Variants in VAV3 observed in about 807,000 individuals in gnomAD.
The protein encoded by VAV3 is guanine nucleotide exchange factor VAV3.
In VAV3, 94 loss-of-function variants were observed where a neutral mutation model predicts 131.2. That is an observed-to-expected ratio of 0.72 (90% confidence interval 0.61 to 0.85). The LOEUF is 0.85. Ranked by LOEUF, VAV3 falls within the 40% of genes least tolerant of loss-of-function variation. The probability of loss-of-function intolerance (pLI) is 0.00; values close to 1 mark genes in which losing one functional copy is unlikely to be tolerated. For missense variants in VAV3, 939 were observed against 1,002.7 expected (o/e 0.94, Z 0.86); for synonymous variants, 349 against 342.0 (o/e 1.02, Z -0.22).
intron 2 of VAV3, among the ~76,000 whole-genome samples, chr1:107,864,654 G>GGT (rs143699125): frequency 0.016 from 2,420 of 152,222 alleles, 48 homozygotes; most frequent in African/African-American, 0.045. Flanking sequence ...GTAAATGTGT[G>GGT]AGTACTAGCA....
At chr1:107,766,601 T>TAC (rs749124140) in intron 7 of VAV3, 51 bp from the exon 8 acceptor site, 1 of 1,408,256 alleles carries the variant, frequency 7.1e-7, no homozygotes, top group East Asian at 2.3e-5. Context: ...AACCAAAAAA[T>TAC]ACACCCCAAA....
chr1:107,897,664 T>C (rs1014573172), intron 1 of VAV3, among the ~76,000 whole-genome samples: 4 of 152,198 alleles, frequency 2.6e-5, no homozygotes, highest in Admixed American at 2.6e-4. Flanking sequence ...GGTAACTCAG[T>C]AAGTGCATAA....
chr1:107,737,445 C>T (rs1164463113), intron 15 of VAV3, among the ~76,000 whole-genome samples: 1 of 152,124 alleles, frequency 6.6e-6, no homozygotes, highest in Non-Finnish European at 1.5e-5. Flanking sequence ...AAAATTTTTG[C>T]AATCTACCCA....
At chr1:107,874,196 TGA>T (rs1670381696) in intron 2 of VAV3, among the ~76,000 whole-genome samples, 1 of 152,306 alleles carries the variant, frequency 6.6e-6, no homozygotes, top group Non-Finnish European at 1.5e-5. Flanking sequence ...TAGTTACTTG[TGA>T]GAGGTTTATG....
chr1:107,865,771 T>A (rs542578295), intron 2 of VAV3, among the ~76,000 whole-genome samples: 1 of 152,180 alleles, frequency 6.6e-6, no homozygotes, highest in Non-Finnish European at 1.5e-5. Flanking sequence ...AGGTGAAGGT[T>A]TGGCAATTAT....
At chr1:107,815,162 A>T (rs1472760839) in intron 2 of VAV3, among the ~76,000 whole-genome samples, 1 of 152,226 alleles carries the variant, frequency 6.6e-6, no homozygotes, top group Admixed American at 6.5e-5. Context: ...CTTCCCATGC[A>T]TGAATAGTGT....
intron 2 of VAV3, among the ~76,000 whole-genome samples, chr1:107,789,294 C>T (rs940655489): frequency 1.3e-5 from 2 of 152,144 alleles, no homozygotes; most frequent in African/African-American, 4.8e-5. Flanking sequence ...GAATGTTGTC[C>T]GTAGCTATTA....
At chr1:107,735,692 C>T (rs780618985) in intron 15 of VAV3, among the ~76,000 whole-genome samples, 1 of 152,054 alleles carries the variant, frequency 6.6e-6, no homozygotes, top group Non-Finnish European at 1.5e-5. Context: ...CAATAACAGG[C>T]TCTGAAATTC....
intron 19 of VAV3, among the ~76,000 whole-genome samples, chr1:107,656,361 C>CTACAA (rs1271843548): frequency 2.0e-5 from 3 of 152,100 alleles, no homozygotes; most frequent in African/African-American, 7.2e-5. Flanking sequence ...ATAAGCCAAG[C>CTACAA]ATAGAAAGAC....
intron 17 of VAV3, among the ~76,000 whole-genome samples, chr1:107,698,852 A>G (rs1364763117): frequency 6.6e-6 from 1 of 152,158 alleles, no homozygotes; most frequent in Non-Finnish European, 1.5e-5. Context: ...AGAGCAGGGA[A>G]AACTGCCTTA....
intron 19 of VAV3, among the ~76,000 whole-genome samples, chr1:107,674,007 T>C (rs551412470): frequency 6.6e-6 from 1 of 152,360 alleles, no homozygotes; most frequent in Non-Finnish European, 1.5e-5. Context: ...TTTTAAATAA[T>C]ACTTGGACAA....
chr1:107,850,955 C>T (rs1013381593), intron 2 of VAV3, among the ~76,000 whole-genome samples: 2 of 151,880 alleles, frequency 1.3e-5, no homozygotes, highest in African/African-American at 4.8e-5. Context: ...TCCACAGCAA[C>T]AGAACTTGAA....
intron 2 of VAV3, among the ~76,000 whole-genome samples, chr1:107,813,224 A>C (rs576970612): frequency 1.3e-5 from 2 of 152,304 alleles, no homozygotes; most frequent in African/African-American, 2.4e-5. Flanking sequence ...ATCAGTAAGT[A>C]AGTCTGGAAA....
At chr1:107,800,439 T>A (rs755955745) in intron 2 of VAV3, among the ~76,000 whole-genome samples, 33 of 152,152 alleles carry the variant, frequency 2.2e-4, no homozygotes, top group Non-Finnish European at 2.4e-4. Flanking sequence ...TTTTCTGTGA[T>A]TATTAGTGAT....
At chr1:107,574,963 C>CTCTGTGTG (rs1304869776) in intron 25 of VAV3, among the ~76,000 whole-genome samples, 4 of 81,114 alleles carry the variant, frequency 4.9e-5, no homozygotes, top group Non-Finnish European at 4.9e-5. Context: ...TTGAGTTTCT[C>CTCTGTGTG]TGTGTGTGTG....
intron 1 of VAV3, among the ~76,000 whole-genome samples, chr1:107,884,172 C>T (rs1002782971): frequency 3.5e-4 from 53 of 151,200 alleles, no homozygotes; most frequent in Non-Finnish European, 1.5e-4. Flanking sequence ...AGAATAAGAC[C>T]TAGTATTTGT....
At chr1:107,847,886 T>A (rs372413917) in intron 2 of VAV3, among the ~76,000 whole-genome samples, 2 of 151,958 alleles carry the variant, frequency 1.3e-5, no homozygotes, top group Non-Finnish European at 2.9e-5. Flanking sequence ...TTCCAAATAA[T>A]AGAAAAAGAG....
chr1:107,724,142 T>G (rs1295411841), intron 15 of VAV3, among the ~76,000 whole-genome samples: 1 of 152,042 alleles, frequency 6.6e-6, no homozygotes, highest in Non-Finnish European at 1.5e-5. Context: ...GTATCTCCAA[T>G]CATAGTATTT....
Position 107,658,411 on chromosome 1 carries a change from G to A in VAV3, c.1778-15656C>T, listed in dbSNP as rs1243694833. Among the ~76,000 whole-genome samples the A allele has an allele frequency of 4.6e-5, 7 of 152,256 alleles. No homozygotes were observed. The South Asian group carries it at 1.0e-3, about 23-fold the overall frequency. On this transcript the variant is annotated intron_variant, in intron 19 of 26. Coordinates refer to ENST00000370056, the MANE Select transcript of VAV3 (RefSeq NM_006113.5). Reference sequence around the variant, plus strand: ...GTGAATAGTGCTGCAATAAACATACGTGTGCATGTGTCTTTATAGCAGCAT... The same window carrying A: ...GTGAATAGTGCTGCAATAAACATACATGTGCATGTGTCTTTATAGCAGCAT...
Sources: allele counts gnomAD v4.1 joint callset (sites outside exome capture counted in the v4.1 genomes callset), GRCh38; gene constraint gnomAD v4.1.1; transcripts MANE v1.5; gene names NCBI Gene and HGNC (gene_info 2026-07-23, HGNC 2026-07-21).